Variants in PRKCE observed in about 807,000 individuals in gnomAD.
PRKCE encodes protein kinase C epsilon, also known as protein kinase C epsilon type.
Under a neutral mutation model 85.4 loss-of-function variants are expected in PRKCE, and 16 were observed. That is an observed-to-expected ratio of 0.19 (90% CI 0.13 to 0.28). PRKCE has a LOEUF of 0.28. Among genes scored for constraint, PRKCE ranks in the 10% least tolerant of loss-of-function variants. The probability of loss-of-function intolerance (pLI) is 1.00; values close to 1 mark genes in which losing one functional copy is unlikely to be tolerated. For missense variants in PRKCE, 573 were observed against 975.2 expected, an observed-to-expected ratio of 0.59 and a Z score of 5.49; for synonymous variants, 388 against 371.5, an observed-to-expected ratio of 1.04 and a Z score of -0.51.
chr2:45,741,474 G>C (rs1682565678), intron 1 of PRKCE, among the ~76,000 whole-genome samples: 1 of 146,364 alleles, frequency 6.8e-6, no homozygotes, highest in South Asian at 2.2e-4. Flanking sequence ...CACCAGAATG[G>C]GGCCTGGCAG....
At chr2:45,963,972 C>G (rs905039022) in intron 2 of PRKCE, among the ~76,000 whole-genome samples, 1 of 152,138 alleles carries the variant, frequency 6.6e-6, no homozygotes, top group Non-Finnish European at 1.5e-5. Flanking sequence ...AGCCTTGTGA[C>G]GTCGAAGGGT....
At chr2:46,057,681 G>A (rs1399208445) in intron 10 of PRKCE, among the ~76,000 whole-genome samples, 1 of 152,072 alleles carries the variant, frequency 6.6e-6, no homozygotes, top group East Asian at 1.9e-4. Context: ...TAATCCACCC[G>A]GCTCAGCCTT....
intron 14 of PRKCE, among the ~76,000 whole-genome samples, chr2:46,161,889 G>A (rs948175177): frequency 2.0e-5 from 3 of 152,256 alleles, no homozygotes; most frequent in Admixed American, 1.3e-4. Flanking sequence ...GAAAGTGCAG[G>A]CCTTCTGAGA....
At chr2:45,915,514 G>T (rs902119566) in intron 2 of PRKCE, among the ~76,000 whole-genome samples, 8 of 152,158 alleles carry the variant, frequency 5.3e-5, no homozygotes, top group African/African-American at 1.9e-4. Context: ...TATCTTTAGA[G>T]ATTTAGGTTA....
At chr2:45,710,096 C>A (rs1360856175) in intron 1 of PRKCE, among the ~76,000 whole-genome samples, 3 of 152,180 alleles carry the variant, frequency 2.0e-5, no homozygotes, top group African/African-American at 7.2e-5. Flanking sequence ...GCGCCTGGCC[C>A]ATTTATCTTA....
chr2:46,145,175 C>A lies in PRKCE; in HGVS notation c.1675C>A (p.Leu559Met), dbSNP rs1675943131. 1.3e-6 allele frequency: 2 copies of A among 1,599,708 alleles called. No homozygotes were observed. Among genetic ancestry groups the A allele is most frequent in the East Asian group, 4.5e-5 (2 of 44,874 alleles). ...ADFGMCKEGI[L>M]NGVTTTTFCG... ...CTTCGGGATGTGCAAGGAAGGGATT[C>A]TGAATGGTGTGACGACCACCACGTT... Residue 559 changes from leucine to methionine, a missense_variant, in exon 12 of 15, where the codon CTG becomes ATG. Physicochemically the swap from Leu to Met is conservative, Grantham distance 15. Coordinates refer to ENST00000306156, the MANE Select transcript of PRKCE (RefSeq NM_005400.3). The surrounding 1 kb of genome is among the most constrained non-coding windows in gnomAD (Gnocchi z 4.6).
rs564138486 is a variant in PRKCE at position 46,139,706 on chromosome 2, A to G, written c.1593-5387A>G. On this transcript the variant is annotated intron_variant, in intron 11 of 14. Transcript: ENST00000306156. The surrounding 1 kb of genome is among the most constrained non-coding windows in gnomAD (Gnocchi z 5.2). ...TGCGTATATATATGTGTGTGTATATATATACATATATACATATACATATAT... is the reference window on the plus strand; with the variant it reads ...TGCGTATATATATGTGTGTGTATATGTATACATATATACATATACATATAT... Among the ~76,000 whole-genome samples, 2 of 151,626 alleles carry G rather than the reference A, an allele frequency of 1.3e-5. No individual in the cohort carries two copies. Among genetic ancestry groups the G allele is most frequent in the East Asian group, 3.9e-4 (2 of 5,172 alleles).
At chr2:45,801,351 A>G (rs138850285) in intron 1 of PRKCE, among the ~76,000 whole-genome samples, 1 of 151,518 alleles carries the variant, frequency 6.6e-6, no homozygotes, top group East Asian at 1.9e-4. Context: ...TGTGAAGGGG[A>G]GAAGGCCAGA....
chr2:45,680,790 T>C (rs1676825805), intron 1 of PRKCE, among the ~76,000 whole-genome samples: 1 of 152,210 alleles, frequency 6.6e-6, no homozygotes, highest in African/African-American at 2.4e-5. Flanking sequence ...TGTCTCAACA[T>C]GCTTTTAACA....
At chr2:45,983,042 C>T (rs1003206523) in intron 5 of PRKCE, among the ~76,000 whole-genome samples, 1 of 152,228 alleles carries the variant, frequency 6.6e-6, no homozygotes, top group Non-Finnish European at 1.5e-5. Context: ...TCTACATTCA[C>T]AAACAGGCAC....
In PRKCE at chr2:46,185,391, A is replaced by G. The variant is rs2104751427; in HGVS notation, c.*510A>G. Reference sequence around the variant, plus strand: ...ACACGAGGGAGGGCGCCCTTGAGGCATGCCCTCTGAGGGAGGGAGACCAGA... The same window carrying G: ...ACACGAGGGAGGGCGCCCTTGAGGCGTGCCCTCTGAGGGAGGGAGACCAGA... On this transcript the variant is annotated 3_prime_UTR_variant, in exon 15 of 15. Coordinates refer to ENST00000306156, the MANE Select transcript of PRKCE (RefSeq NM_005400.3). The surrounding 1 kb of genome is among the most constrained non-coding windows in gnomAD (Gnocchi z 4.7). The G allele has an allele frequency of 6.5e-6, 1 of 153,426 alleles. No homozygotes were observed. The highest frequency in any genetic ancestry group is 2.1e-4 in the South Asian group (1 of 4,844). 9.5% of individuals were successfully genotyped at this position (153,426 alleles called of 1,614,324 possible).
intron 10 of PRKCE, among the ~76,000 whole-genome samples, chr2:46,073,044 T>G (rs1668211488): frequency 6.6e-6 from 1 of 152,180 alleles, no homozygotes; most frequent in South Asian, 2.1e-4. Flanking sequence ...GAAGCTCTGA[T>G]AGAGGGGCCT....
intron 2 of PRKCE, among the ~76,000 whole-genome samples, chr2:45,867,540 G>A (rs1462457961): frequency 6.6e-6 from 1 of 152,162 alleles, no homozygotes; most frequent in Non-Finnish European, 1.5e-5. Flanking sequence ...TTATTTGGGG[G>A]AATTTTTCTG....
At chr2:45,741,550 C>T (rs868333199) in intron 1 of PRKCE, among the ~76,000 whole-genome samples, 18 of 152,354 alleles carry the variant, frequency 1.2e-4, no homozygotes, top group East Asian at 9.6e-4. Flanking sequence ...CTGTTCTCCA[C>T]GTCTGACACG....
intron 2 of PRKCE, among the ~76,000 whole-genome samples, chr2:45,853,708 A>G (rs1692455913): frequency 6.6e-6 from 1 of 152,212 alleles, no homozygotes; most frequent in Non-Finnish European, 1.5e-5. Flanking sequence ...CTTCTAAAGG[A>G]AACTACTGAG....
At chr2:45,771,800 C>A (rs893365289) in intron 1 of PRKCE, among the ~76,000 whole-genome samples, 1 of 152,000 alleles carries the variant, frequency 6.6e-6, no homozygotes, top group Non-Finnish European at 1.5e-5. Flanking sequence ...CTCCCCAGAG[C>A]CCTCTAGCCC....
At chr2:45,656,356 G>GA (rs1675379858) in intron 1 of PRKCE, among the ~76,000 whole-genome samples, 1 of 152,148 alleles carries the variant, frequency 6.6e-6, no homozygotes, top group African/African-American at 2.4e-5. Context: ...ATTGGAGTAG[G>GA]AAAAAGTTTA....
At chr2:46,064,620 G>A (rs1667453056) in intron 10 of PRKCE, among the ~76,000 whole-genome samples, 1 of 152,200 alleles carries the variant, frequency 6.6e-6, no homozygotes, top group Non-Finnish European at 1.5e-5. Flanking sequence ...AGAAGAATTA[G>A]GGAGATACAA....
rs1040615859 is a variant in PRKCE, at chr2:45,902,058, A to G, written c.412+58995A>G. Among the ~76,000 whole-genome samples the G allele has an allele frequency of 3.3e-5, 5 of 152,174 alleles. No homozygotes were observed. The East Asian group carries it at 7.7e-4, about 23-fold the overall frequency. ...CAGTCCTTGGGAATTTTGACTTACA[A>G]ACTAGGAAATTATTTCACCCTCATA... On this transcript the variant is annotated intron_variant, in intron 2 of 14. Coordinates refer to ENST00000306156, the MANE Select transcript of PRKCE (RefSeq NM_005400.3).
Sources: gnomAD v4.1 joint callset for allele counts (sites outside exome capture counted in the v4.1 genomes callset) on GRCh38, gnomAD v4.1.1 for gene constraint, Gnocchi (gnomAD v3.1) non-coding constraint, MANE v1.5 for transcripts, NCBI Gene and HGNC (gene_info 2026-07-23, HGNC 2026-07-21) for gene names.